OR4K5: variants seen among roughly 807,000 people sequenced by gnomAD.
OR4K5 encodes the protein olfactory receptor family 4 subfamily K member 5.
For missense variants in OR4K5, 520 were observed against 377.1 expected (o/e 1.38, Z -3.14); for synonymous variants, 187 against 142.2 (o/e 1.31, Z -2.24).
In OR4K5 at chr14:19,921,104, G is replaced by C. The variant is rs936305586; in HGVS notation, c.498G>C (p.Leu166=). 16 of 1,614,148 alleles carry C rather than the reference G, an allele frequency of 9.9e-6. No homozygotes were observed. Among genetic ancestry groups the C allele is most frequent in the Non-Finnish European group, 1.4e-5 (16 of 1,179,984 alleles). ...TLSQLSFTVN[L]PFCGPNVVDS... The stretch of plus-strand genomic sequence containing the variant: ...GCCAGTTATCATTTACTGTGAACCT[G>C]CCTTTTTGTGGACCTAATGTAGTAG... Residue 166 remains leucine (L), a synonymous_variant, in exon 1 of 1, where the codon CTG becomes CTC. Coordinates refer to ENST00000315915, the MANE Select transcript of OR4K5 (RefSeq NM_001005483.1).
Position 19,921,234 on chromosome 14 carries a change from A to C in OR4K5, c.628A>C (p.Thr210Pro). The C allele has an allele frequency of 6.2e-7, 1 of 1,614,176 alleles. No homozygotes were observed. The highest frequency in any genetic ancestry group is 1.1e-5 in the South Asian group (1 of 91,088). ...VVNSGILSLSTFSLLVSSYII... is the reference protein window; with the variant it reads ...VVNSGILSLSPFSLLVSSYII... ...CAATAGTGGAATTCTTTCCCTAAGCACTTTCTCTCTCTTGGTCAGCTCCTA... is the reference window on the plus strand; with the variant it reads ...CAATAGTGGAATTCTTTCCCTAAGCCCTTTCTCTCTCTTGGTCAGCTCCTA... Residue 210 changes from threonine (T) to proline (P), a missense_variant, in exon 1 of 1, where the codon ACT becomes CCT. Coordinates refer to ENST00000315915, the MANE Select transcript of OR4K5 (RefSeq NM_001005483.1).
chr14:19,921,424 T>C lies in OR4K5; in HGVS notation c.818T>C (p.Ile273Thr). ...TCTCCTTTGGATAAATTTCTTGCCA[T>C]ATTTTACACTGTTTTCACCCCCGTC... is the stretch of plus-strand genomic sequence containing the variant. ...TISPLDKFLA[I>T]FYTVFTPVLN... The change falls in exon 1 of 1, where the codon ATA (isoleucine) becomes ACA (threonine). Residue 273 changes from isoleucine (I) to threonine (T), a missense_variant. Coordinates refer to ENST00000315915, the MANE Select transcript of OR4K5 (RefSeq NM_001005483.1). 3 of 1,614,170 alleles carry C rather than the reference T, an allele frequency of 1.9e-6. No homozygotes were observed. The highest frequency in any genetic ancestry group is 2.5e-6 in the Non-Finnish European group (3 of 1,179,994).
In OR4K5 at chr14:19,920,657, C is replaced by T. The variant is rs1881907086; in HGVS notation, c.51C>T (p.Leu17=). Residue 17 remains leucine (L), a synonymous_variant, in exon 1 of 1, where the codon CTC becomes CTT. Transcript: ENST00000315915. ...TGTCTGAATTTGTACTGTTGGGACTCTGTAGTTCTCAAAAACTCCAGCTTT... is the reference window on the plus strand; with the variant it reads ...TGTCTGAATTTGTACTGTTGGGACTTTGTAGTTCTCAAAAACTCCAGCTTT... The part of the protein sequence containing the change: ...SVVSEFVLLG[L]CSSQKLQLFY... 3 of 1,613,756 alleles carry T rather than the reference C, an allele frequency of 1.9e-6. No individual in the cohort carries two copies. The highest frequency in any genetic ancestry group is 2.5e-6 in the Non-Finnish European group (3 of 1,179,866).
chr14:19,921,420 G>C lies in OR4K5; in HGVS notation c.814G>C (p.Ala272Pro), dbSNP rs780094924. 2.0e-5 allele frequency: 32 copies of C among 1,613,914 alleles called. No individual in the cohort carries two copies. In the Admixed American group the frequency reaches 5.3e-4, roughly 27 times the overall value. The change falls in exon 1 of 1, where the codon GCC becomes CCC. Residue 272 changes from alanine (A) to proline (P), a missense_variant. Transcript: ENST00000315915. Reference protein sequence around the residue: ...FTISPLDKFLAIFYTVFTPVL... With the variant: ...FTISPLDKFLPIFYTVFTPVL... ...CATCTCTCCTTTGGATAAATTTCTTGCCATATTTTACACTGTTTTCACCCC... is the reference window on the plus strand; with the variant it reads ...CATCTCTCCTTTGGATAAATTTCTTCCCATATTTTACACTGTTTTCACCCC...
chr14:19,921,303 A>G lies in OR4K5; in HGVS notation c.697A>G (p.Met233Val), dbSNP rs774491903. Residue 233 changes from methionine to valine, a missense_variant, in exon 1 of 1, where the codon ATG becomes GTG. By Grantham distance (21) the Met-to-Val change is conservative. Coordinates refer to ENST00000315915, the MANE Select transcript of OR4K5 (RefSeq NM_001005483.1). ...AGTTTGGCTCAAGTCTTCAGCTGCA[A>G]TGGCAAAGGCATTTTCTACGCTGGC... ...VTVWLKSSAAMAKAFSTLASH... is the reference protein window; with the variant it reads ...VTVWLKSSAAVAKAFSTLASH... 2 of 1,614,084 alleles carry G rather than the reference A, an allele frequency of 1.2e-6. No individual in the cohort carries two copies. Among genetic ancestry groups the G allele is most frequent in the East Asian group, 2.2e-5 (1 of 44,902 alleles).
In OR4K5 at chr14:19,921,279, G is replaced by GTTTGGCTCAAGAC; in HGVS notation, c.684_685insACTTTGGCTCAAG (p.Ser229ThrfsTer45). ...CTCCTACATCATTATTCTTGTTACA[G>GTTTGGCTCAAGAC]TTTGGCTCAAGTCTTCAGCTGCAAT... On this transcript the variant is annotated frameshift_variant, in exon 1 of 1. Coordinates refer to ENST00000315915, the MANE Select transcript of OR4K5 (RefSeq NM_001005483.1). LOFTEE classifies it low-confidence loss of function (END_TRUNC). The GTTTGGCTCAAGAC allele has an allele frequency of 1.2e-6, 2 of 1,614,128 alleles. No homozygotes were observed. The highest frequency in any genetic ancestry group is 8.5e-7 in the Non-Finnish European group (1 of 1,179,988).
Position 19,920,869 on chromosome 14 carries a change from C to T in OR4K5, c.263C>T (p.Ala88Val). 3 of 1,614,208 alleles carry T rather than the reference C, an allele frequency of 1.9e-6. No homozygotes were observed. The highest frequency in any genetic ancestry group is 1.7e-6 in the Non-Finnish European group (2 of 1,180,006). ...AAAATGATTGCAGATTTTCTGAGTG[C>T]ACACGAGACCATATCTTTCAGTGGC... ...TPKMIADFLS[A>V]HETISFSGCI... The change falls in exon 1 of 1, where the codon GCA becomes GTA. Residue 88 changes from alanine to valine, a missense_variant. Coordinates refer to ENST00000315915, the MANE Select transcript of OR4K5 (RefSeq NM_001005483.1).
Position 19,921,209 on chromosome 14 carries a change from C to T in OR4K5, c.603C>T (p.Val201=), listed in dbSNP as rs1566497890. ...DSYIIEILIV[V]NSGILSLSTF... Reference sequence around the variant, plus strand: ...ACATCATTGAAATACTAATTGTGGTCAATAGTGGAATTCTTTCCCTAAGCA... The same window carrying T: ...ACATCATTGAAATACTAATTGTGGTTAATAGTGGAATTCTTTCCCTAAGCA... The change falls in exon 1 of 1, where the codon GTC becomes GTT. Residue 201 remains valine (V), a synonymous_variant. Coordinates refer to ENST00000315915, the MANE Select transcript of OR4K5 (RefSeq NM_001005483.1). The T allele has an allele frequency of 8.7e-6, 14 of 1,614,146 alleles. No individual in the cohort carries two copies. Among genetic ancestry groups the T allele is most frequent in the Non-Finnish European group, 1.2e-5 (14 of 1,179,990 alleles).
At position 19,921,048 on chromosome 14, in the gene OR4K5, T is replaced by G. The variant is rs1313897171; in HGVS notation, c.442T>G (p.Ser148Ala). The G allele has an allele frequency of 1.2e-6, 2 of 1,614,210 alleles. No individual in the cohort carries two copies. Among genetic ancestry groups the G allele is most frequent in the South Asian group, 1.1e-5 (1 of 91,092 alleles). Residue 148 changes from serine (S) to alanine (A), a missense_variant, in exon 1 of 1, where the codon TCC becomes GCC. By Grantham distance (99) the Ser-to-Ala change is moderately conservative (BLOSUM62 1). Transcript: ENST00000315915. The part of the protein sequence containing the change: ...RRTCTVLVMI[S>A]WAVSLVHTLS... ...GACATGCACTGTCTTGGTAATGATC[T>G]CCTGGGCTGTGAGCTTGGTGCACAC...
At position 19,921,019 on chromosome 14, in the gene OR4K5, G is replaced by A. The variant is rs201394876; in HGVS notation, c.413G>A (p.Arg138Gln). The A allele has an allele frequency of 4.6e-5, 74 of 1,614,158 alleles. No homozygotes were observed. The highest frequency in any genetic ancestry group is 1.6e-4 in the Middle Eastern group (1 of 6,062). ...TTATACTATGTGGTCATCATGAGCC[G>A]AAGGACATGCACTGTCTTGGTAATG... Reference protein sequence around the residue: ...KPLYYVVIMSRRTCTVLVMIS... With the variant: ...KPLYYVVIMSQRTCTVLVMIS... The change falls in exon 1 of 1, where the codon CGA (arginine) becomes CAA (glutamine). Residue 138 changes from arginine (R) to glutamine (Q), a missense_variant. Arg to Gln is a conservative substitution (Grantham distance 43). Transcript: ENST00000315915.
rs367997659 is a variant in OR4K5, at chr14:19,920,630, G to A, written c.24G>A (p.Val8=). The A allele has an allele frequency of 1.2e-6, 2 of 1,610,600 alleles. No individual in the cohort carries two copies. Among genetic ancestry groups the A allele is most frequent in the African/African-American group, 2.7e-5 (2 of 74,634 alleles). Residue 8 remains valine, a synonymous_variant, in exon 1 of 1, where the codon GTG becomes GTA. Coordinates refer to ENST00000315915, the MANE Select transcript of OR4K5 (RefSeq NM_001005483.1). The part of the protein sequence containing the change: MDKSNSS[V]VSEFVLLGLC... ...CCATGGATAAGTCCAATTCTTCAGT[G>A]GTGTCTGAATTTGTACTGTTGGGAC...
At position 19,920,992 on chromosome 14, in the gene OR4K5, C is replaced by A. The variant is rs559771911; in HGVS notation, c.386C>A (p.Pro129His). The A allele has an allele frequency of 1.4e-5, 23 of 1,614,078 alleles. No homozygotes were observed. The African/African-American group carries it at 2.3e-4, about 16-fold the overall frequency. ...AYDRYVAICK[P>H]LYYVVIMSRR... ...GACAGGTATGTAGCCATATGCAAAC[C>A]CTTATACTATGTGGTCATCATGAGC... Residue 129 changes from proline (P) to histidine (H), a missense_variant, in exon 1 of 1, where the codon CCC becomes CAC. Pro to His is a moderately conservative substitution (Grantham distance 77). Coordinates refer to ENST00000315915, the MANE Select transcript of OR4K5 (RefSeq NM_001005483.1).
chr14:19,921,528 C>A lies in OR4K5; in HGVS notation c.922C>A (p.Pro308Thr). 2 of 1,613,448 alleles carry A rather than the reference C, an allele frequency of 1.2e-6. No homozygotes were observed. Among genetic ancestry groups the A allele is most frequent in the Non-Finnish European group, 1.7e-6 (2 of 1,179,710 alleles). Residue 308 changes from proline (P) to threonine (T), a missense_variant, in exon 1 of 1, where the codon CCA becomes ACA. Physicochemically the swap from Pro to Thr is conservative, Grantham distance 38. Coordinates refer to ENST00000315915, the MANE Select transcript of OR4K5 (RefSeq NM_001005483.1). ...VRKIVNHYLR[P>T]RRISEMSLVV... is the part of the protein sequence containing the mutation. ...GAAAATTGTGAACCATTACCTGAGGCCAAGGAGAATTTCTGAAATGTCACT... is the reference window on the plus strand; with the variant it reads ...GAAAATTGTGAACCATTACCTGAGGACAAGGAGAATTTCTGAAATGTCACT...
chr14:19,921,423 A>G lies in OR4K5; in HGVS notation c.817A>G (p.Ile273Val), dbSNP rs747235455. ...CTCTCCTTTGGATAAATTTCTTGCCATATTTTACACTGTTTTCACCCCCGT... is the reference window on the plus strand; with the variant it reads ...CTCTCCTTTGGATAAATTTCTTGCCGTATTTTACACTGTTTTCACCCCCGT... ...TISPLDKFLA[I>V]FYTVFTPVLN... The change falls in exon 1 of 1, where the codon ATA (isoleucine) becomes GTA (valine). Residue 273 changes from isoleucine to valine, a missense_variant. Ile to Val is a conservative substitution (Grantham distance 29). Transcript: ENST00000315915. 3.5e-5 allele frequency: 57 copies of G among 1,614,036 alleles called. No homozygotes were observed. Among genetic ancestry groups the G allele is most frequent in the African/African-American group, 5.3e-5 (4 of 74,942 alleles).
rs994698752 is a variant in OR4K5, at chr14:19,921,298, C to T, written c.692C>T (p.Ala231Val). Residue 231 changes from alanine (A) to valine (V), a missense_variant, in exon 1 of 1, where the codon GCT becomes GTT. Coordinates refer to ENST00000315915, the MANE Select transcript of OR4K5 (RefSeq NM_001005483.1). ...GTTACAGTTTGGCTCAAGTCTTCAG[C>T]TGCAATGGCAAAGGCATTTTCTACG... Reference protein sequence around the residue: ...ILVTVWLKSSAAMAKAFSTLA... With the variant: ...ILVTVWLKSSVAMAKAFSTLA... 6 of 1,614,068 alleles carry T rather than the reference C, an allele frequency of 3.7e-6. No homozygotes were observed. The Admixed American group carries it at 6.7e-5, about 18-fold the overall frequency.
Position 19,921,089 on chromosome 14 carries a change from A to G in OR4K5, c.483A>G (p.Ser161=). The G allele has an allele frequency of 1.2e-6, 2 of 1,614,204 alleles. No homozygotes were observed. Among genetic ancestry groups the G allele is most frequent in the Non-Finnish European group, 1.7e-6 (2 of 1,180,018 alleles). ...VSLVHTLSQL[S]FTVNLPFCGP... ...TGGTGCACACATTAAGCCAGTTATC[A>G]TTTACTGTGAACCTGCCTTTTTGTG... The change falls in exon 1 of 1, where the codon TCA becomes TCG. Residue 161 remains serine (S), a synonymous_variant. Transcript: ENST00000315915.
chr14:19,921,100 A>G lies in OR4K5; in HGVS notation c.494A>G (p.Asn165Ser). 1.2e-6 allele frequency: 2 copies of G among 1,614,134 alleles called. No homozygotes were observed. The highest frequency in any genetic ancestry group is 1.7e-6 in the Non-Finnish European group (2 of 1,179,994). Residue 165 changes from asparagine to serine, a missense_variant, in exon 1 of 1, where the codon AAC becomes AGC. Physicochemically the swap from Asn to Ser is conservative, Grantham distance 46. Transcript: ENST00000315915. ...HTLSQLSFTV[N>S]LPFCGPNVVD... is the part of the protein sequence containing the mutation. ...TTAAGCCAGTTATCATTTACTGTGAACCTGCCTTTTTGTGGACCTAATGTA... is the reference window on the plus strand; with the variant it reads ...TTAAGCCAGTTATCATTTACTGTGAGCCTGCCTTTTTGTGGACCTAATGTA...
chr14:19,920,906 A>T lies in OR4K5; in HGVS notation c.300A>T (p.Gln100His). Residue 100 changes from glutamine (Q) to histidine (H), a missense_variant, in exon 1 of 1, where the codon CAA (glutamine) becomes CAT (histidine). Coordinates refer to ENST00000315915, the MANE Select transcript of OR4K5 (RefSeq NM_001005483.1). ...TATCTTTCAGTGGCTGCATAGCCCA[A>T]ATTTTCTTTATTCACCTTTTTACTG... The part of the protein sequence containing the change: ...ETISFSGCIA[Q>H]IFFIHLFTGG... The T allele has an allele frequency of 6.2e-7, 1 of 1,614,158 alleles. No individual in the cohort carries two copies. The highest frequency in any genetic ancestry group is 8.5e-7 in the Non-Finnish European group (1 of 1,179,984).
In OR4K5 at chr14:19,921,241, C is replaced by G; in HGVS notation, c.635C>G (p.Ser212Cys). The G allele has an allele frequency of 6.2e-7, 1 of 1,614,188 alleles. No homozygotes were observed. The highest frequency in any genetic ancestry group is 8.5e-7 in the Non-Finnish European group (1 of 1,179,984). Residue 212 changes from serine to cysteine, a missense_variant, in exon 1 of 1, where the codon TCT becomes TGT. Physicochemically the swap from Ser to Cys is moderately radical, Grantham distance 112 (BLOSUM62 -1). Coordinates refer to ENST00000315915, the MANE Select transcript of OR4K5 (RefSeq NM_001005483.1). Reference protein sequence around the residue: ...NSGILSLSTFSLLVSSYIIIL... With the variant: ...NSGILSLSTFCLLVSSYIIIL... The stretch of plus-strand genomic sequence containing the variant: ...GGAATTCTTTCCCTAAGCACTTTCT[C>G]TCTCTTGGTCAGCTCCTACATCATT...
Sources: gnomAD v4.1 joint callset for allele counts on GRCh38, gnomAD v4.1.1 for gene constraint, MANE v1.5 for transcripts, NCBI Gene and HGNC (gene_info 2026-07-23, HGNC 2026-07-21) for gene names.